CHRNA3: variants seen among roughly 807,000 people sequenced by gnomAD.
CHRNA3 encodes cholinergic receptor nicotinic alpha 3 subunit, also known as neuronal acetylcholine receptor subunit alpha-3.
Under a neutral mutation model 41.9 loss-of-function variants are expected in CHRNA3, and 34 were observed. The observed-to-expected ratio is 0.81, with a 90% CI of 0.62 to 1.08. The LOEUF is 1.08. Among genes scored for constraint, CHRNA3 ranks in the 50% least tolerant of loss-of-function variants. The pLI, the probability that CHRNA3 is intolerant of heterozygous loss-of-function variation, is 0.00. For missense variants in CHRNA3, 542 were observed against 638.3 expected, an observed-to-expected ratio of 0.85 and a Z score of 1.63; for synonymous variants, 281 against 265.2, an observed-to-expected ratio of 1.06 and a Z score of -0.58.
intron 4 of CHRNA3, 112 bp from the exon 5 acceptor site, chr15:78,602,376 A>G: frequency 8.2e-7 from 1 of 1,217,280 alleles, no homozygotes; most frequent in South Asian, 1.5e-5. Flanking sequence ...GCACTGGAAG[A>G]TGAGAGCTAA....
chr15:78,602,442 G>A (rs1052873750), intron 4 of CHRNA3, among the ~76,000 whole-genome samples, 178 bp from the exon 5 acceptor site: 2 of 152,138 alleles, frequency 1.3e-5, no homozygotes, highest in Admixed American at 6.5e-5. Context: ...GGATACTGAG[G>A]CCCAAGCTCC....
intron 5 of CHRNA3, 60 bp downstream of exon 5, chr15:78,601,193 G>A (rs934796622): frequency 4.7e-5 from 73 of 1,544,190 alleles, no homozygotes; most frequent in Non-Finnish European, 5.9e-5. Context: ...GCCCCACGAG[G>A]AACCCATAAA....
chr15:78,611,121 C>T (rs2141337564), intron 4 of CHRNA3, among the ~76,000 whole-genome samples: 1 of 152,310 alleles, frequency 6.6e-6, no homozygotes, highest in Admixed American at 6.5e-5. Context: ...GATGGATTCA[C>T]AGCTGAATTC....
At chr15:78,610,494 G>A (rs975905778) in intron 4 of CHRNA3, among the ~76,000 whole-genome samples, 1 of 152,120 alleles carries the variant, frequency 6.6e-6, no homozygotes, top group Non-Finnish European at 1.5e-5. Flanking sequence ...ATAACGAAAG[G>A]TAGGCAGAAA....
At chr15:78,615,442 G>T (rs902560503) in intron 4 of CHRNA3, among the ~76,000 whole-genome samples, 3 of 152,118 alleles carry the variant, frequency 2.0e-5, no homozygotes, top group East Asian at 3.9e-4. Context: ...ACAGTGGATG[G>T]CTGAGACCAC....
At chr15:78,618,409 G>A in intron 3 of CHRNA3, 1 of 590,034 alleles carries the variant, frequency 1.7e-6, no homozygotes, top group South Asian at 2.1e-5. Context: ...GGACTTGAGG[G>A]GTTGGGCCCT....
In CHRNA3 at chr15:78,606,175, A is replaced by T. The variant is rs56077947; in HGVS notation, c.378-3911T>A. Among the ~76,000 whole-genome samples, 943 of 151,930 alleles carry T rather than the reference A, an allele frequency of 6.2e-3. 4 individuals carry two copies. The highest frequency in any genetic ancestry group is 0.01 in the Non-Finnish European group (682 of 67,940). Reference sequence around the variant, plus strand: ...GTCTCTACCAAAAATACAAAAAAAAATTTAGCTAGGCGTGGTGGCAGTCAC... The same window carrying T: ...GTCTCTACCAAAAATACAAAAAAAATTTTAGCTAGGCGTGGTGGCAGTCAC... On this transcript the variant is annotated intron_variant, in intron 4 of 5. Transcript: ENST00000326828.
intron 4 of CHRNA3, among the ~76,000 whole-genome samples, chr15:78,605,573 C>G (rs546797097): frequency 6.6e-6 from 1 of 152,348 alleles, no homozygotes; most frequent in Admixed American, 6.5e-5. Context: ...GAGGGCTCCA[C>G]AGGTTCCAAT....
In CHRNA3 at chr15:78,601,893, A is replaced by T. The variant is rs529535693; in HGVS notation, c.749T>A (p.Ile250Asn). ...GAGGAAGGAGATGAGCAGGCAGGGG[A>T]TGATGAGGTTGATGGTGTAGAACAA... ...LPLFYTINLI[I>N]PCLLISFLTV... Residue 250 changes from isoleucine to asparagine, a missense_variant, in exon 5 of 6, where the codon ATC becomes AAC. By Grantham distance (149) the Ile-to-Asn change is moderately radical. Transcript: ENST00000326828. 1.7e-5 allele frequency: 27 copies of T among 1,614,004 alleles called. No individual in the cohort carries two copies. In the African/African-American group the frequency reaches 3.3e-4, roughly 20 times the overall value.
At chr15:78,614,166 C>T (rs2141341439) in intron 4 of CHRNA3, among the ~76,000 whole-genome samples, 1 of 152,262 alleles carries the variant, frequency 6.6e-6, no homozygotes, top group East Asian at 1.9e-4. Flanking sequence ...AATCATAAAT[C>T]CTACAGTACT....
Position 78,601,811 on chromosome 15 carries a change from A to C in CHRNA3, c.831T>G (p.Ile277Met). The C allele has an allele frequency of 1.2e-6, 2 of 1,614,160 alleles. No homozygotes were observed. The highest frequency in any genetic ancestry group is 8.5e-7 in the Non-Finnish European group (1 of 1,180,026). Residue 277 changes from isoleucine to methionine, a missense_variant, in exon 5 of 6, where the codon ATT (isoleucine) becomes ATG (methionine). Ile to Met is a conservative substitution (Grantham distance 10). Transcript: ENST00000326828. ...SDCGEKVTLC[I>M]SVLLSLTVFL... ...ACACCGTCAGGGAGAGGAGGACAGAAATGCACAGGGTCACCTTCTCACCGC... is the reference window on the plus strand; with the variant it reads ...ACACCGTCAGGGAGAGGAGGACAGACATGCACAGGGTCACCTTCTCACCGC...
At chr15:78,597,710 A>T (rs2053135230) in intron 5 of CHRNA3, among the ~76,000 whole-genome samples, 1 of 150,700 alleles carries the variant, frequency 6.6e-6, no homozygotes, top group South Asian at 2.1e-4. Context: ...GGCTTGAAAT[A>T]GGAAGGAAAA....
At position 78,596,392 on chromosome 15, in the gene CHRNA3, CA is replaced by C. The variant is rs2053110719; in HGVS notation, c.*211del. 8.2e-7 allele frequency: 1 copy of C among 1,218,456 alleles called. No homozygotes were observed. The highest frequency in any genetic ancestry group is 1.0e-6 in the Non-Finnish European group (1 of 977,542). The allele number at this position is 1,218,456 out of a possible 1,614,324, so 75.5% of individuals were successfully genotyped here. A position where few individuals can be genotyped will look rare whatever the true frequency, so the allele number is the denominator to read the frequency against. ...ACATTTTGACATCTCTTTACCATAC[CA>C]AAAAGGCTAGTTAAATGTTCATTTA... On this transcript the variant is annotated 3_prime_UTR_variant, in exon 6 of 6. Coordinates refer to ENST00000326828, the MANE Select transcript of CHRNA3 (RefSeq NM_000743.5).
chr15:78,597,362 C>T (rs770285826), intron 5 of CHRNA3, among the ~76,000 whole-genome samples: 5 of 152,130 alleles, frequency 3.3e-5, no homozygotes, highest in Admixed American at 6.5e-5. Context: ...ACCCGGGAGG[C>T]GGAGGTTGCA....
chr15:78,596,055 C>T lies in CHRNA3; in HGVS notation c.*549G>A, dbSNP rs1031354545. 1.0e-6 allele frequency: 1 copy of T among 983,726 alleles called. No individual in the cohort carries two copies. Among genetic ancestry groups the T allele is most frequent in the East Asian group, 1.1e-4 (1 of 8,802 alleles). 60.9% of individuals were successfully genotyped at this position (983,726 alleles called of 1,614,324 possible). On this transcript the variant is annotated 3_prime_UTR_variant, in exon 6 of 6. Coordinates refer to ENST00000326828, the MANE Select transcript of CHRNA3 (RefSeq NM_000743.5). ...CAATGAATAACTAGGCATGATTTCT[C>T]ATGGTATAATTTAGAAGTATGCAAG...
At chr15:78,613,075 T>C (rs1380362458) in intron 4 of CHRNA3, among the ~76,000 whole-genome samples, 3 of 152,216 alleles carry the variant, frequency 2.0e-5, no homozygotes, top group Non-Finnish European at 2.9e-5. Flanking sequence ...AAACAACAGA[T>C]GCTGGCGAGG....
chr15:78,609,826 G>C (rs1172566331), intron 4 of CHRNA3, among the ~76,000 whole-genome samples: 4 of 152,128 alleles, frequency 2.6e-5, no homozygotes, highest in Non-Finnish European at 5.9e-5. Context: ...GCTGTATTCA[G>C]GAAACCCATT....
intron 5 of CHRNA3, among the ~76,000 whole-genome samples, chr15:78,598,856 C>T (rs1218943123): frequency 2.1e-5 from 2 of 96,384 alleles, no homozygotes; most frequent in Admixed American, 1.3e-4. Context: ...TTTTTTGAAA[C>T]GGAGTCTCAC....
At chr15:78,604,488 G>A (rs1184631743) in intron 4 of CHRNA3, among the ~76,000 whole-genome samples, 3 of 152,170 alleles carry the variant, frequency 2.0e-5, no homozygotes, top group Non-Finnish European at 1.5e-5. Flanking sequence ...GCTGAGCTTG[G>A]CTGATGGCTC....
Sources: gnomAD v4.1 joint callset for allele counts (sites outside exome capture counted in the v4.1 genomes callset) on GRCh38, gnomAD v4.1.1 for gene constraint, MANE v1.5 for transcripts, NCBI Gene and HGNC (gene_info 2026-07-23, HGNC 2026-07-21) for gene names.